Variants in NCAM1 observed in about 807,000 individuals in gnomAD.
The protein encoded by NCAM1 is neural cell adhesion molecule 1, also known as antigen recognized by monoclonal antibody 5.1H11.
A neutral mutation model predicts 109.8 loss-of-function variants in NCAM1; 14 were observed. That is an observed-to-expected ratio of 0.13 (90% CI 0.08 to 0.20). The LOEUF (loss-of-function observed/expected upper bound fraction) is 0.20. Ranked by LOEUF, NCAM1 falls within the 10% of genes least tolerant of loss-of-function variation. NCAM1 has a pLI of 1.00. For synonymous variants in NCAM1, 418 were observed against 442.9 expected (o/e 0.94, Z 0.70); for missense variants, 774 against 1,109.9 (o/e 0.70, Z 4.30).
At chr11:113,091,119 C>T (rs1198028686) in intron 1 of NCAM1, among the ~76,000 whole-genome samples, 1 of 152,176 alleles carries the variant, frequency 6.6e-6, no homozygotes, top group Non-Finnish European at 1.5e-5. Context: ...CAATCCATAT[C>T]ATGGCATCTC....
At chr11:113,028,569 A>T (rs1892982) in intron 1 of NCAM1, among the ~76,000 whole-genome samples, 3 of 152,156 alleles carry the variant, frequency 2.0e-5, no homozygotes, top group Non-Finnish European at 2.9e-5. Context: ...ATAATACCTT[A>T]GTTTCTTTGT....
At chr11:113,031,617 A>C (rs1395387994) in intron 1 of NCAM1, among the ~76,000 whole-genome samples, 1 of 151,922 alleles carries the variant, frequency 6.6e-6, no homozygotes, top group African/African-American at 2.4e-5. Flanking sequence ...GCTTGAACCC[A>C]GGAGGTGGAG....
chr11:112,965,995 G>T (rs1469419938), intron 1 of NCAM1, among the ~76,000 whole-genome samples: 1 of 152,152 alleles, frequency 6.6e-6, no homozygotes, highest in Non-Finnish European at 1.5e-5. Flanking sequence ...TCTTATAAAG[G>T]CTCTCCTGCA....
intron 1 of NCAM1, among the ~76,000 whole-genome samples, chr11:112,998,365 G>A (rs1180422441): frequency 6.6e-6 from 1 of 152,104 alleles, no homozygotes; most frequent in Non-Finnish European, 1.5e-5. Context: ...CTTTAAGGAT[G>A]GATGGCAGAG....
chr11:113,057,003 C>T (rs1437742550), intron 1 of NCAM1, among the ~76,000 whole-genome samples: 2 of 152,032 alleles, frequency 1.3e-5, no homozygotes, highest in African/African-American at 4.8e-5. Flanking sequence ...TGTTAGGTGC[C>T]AGAGAAACAA....
intron 1 of NCAM1, among the ~76,000 whole-genome samples, chr11:113,053,237 T>A (rs994426038): frequency 6.6e-6 from 1 of 152,196 alleles, no homozygotes; most frequent in Non-Finnish European, 1.5e-5. Context: ...GGACATGATC[T>A]CATTCCTTTT....
At chr11:113,260,009 C>T (rs537542629) in intron 16 of NCAM1, 137 bp from the exon 17 acceptor site, 3 of 750,454 alleles carry the variant, frequency 4.0e-6, no homozygotes, top group African/African-American at 3.6e-5. Context: ...CCACCCCCAT[C>T]ATTGCTTCTT....
At chr11:113,090,171 A>G (rs1263805497) in intron 1 of NCAM1, among the ~76,000 whole-genome samples, 2 of 152,230 alleles carry the variant, frequency 1.3e-5, no homozygotes, top group Non-Finnish European at 2.9e-5. Flanking sequence ...CCTAATTAGT[A>G]TTACATTGTG....
chr11:113,268,723 T>G (rs931151192), intron 17 of NCAM1, among the ~76,000 whole-genome samples: 24 of 152,132 alleles, frequency 1.6e-4, no homozygotes, highest in African/African-American at 5.3e-4. Flanking sequence ...AAAAAATGTG[T>G]GGCCCAGCTC....
chr11:113,092,716 T>G (rs1420270089), intron 1 of NCAM1, among the ~76,000 whole-genome samples: 1 of 152,196 alleles, frequency 6.6e-6, no homozygotes. Context: ...ATCAAGATTG[T>G]ATGGACTAGG....
intron 1 of NCAM1, among the ~76,000 whole-genome samples, chr11:112,972,353 G>A (rs1390534359): frequency 2.6e-5 from 4 of 152,008 alleles, no homozygotes; most frequent in African/African-American, 4.8e-5. Context: ...TTTTTATCAC[G>A]CCCACAAGTA....
chr11:113,255,805 C>G, intron 15 of NCAM1, 72 bp from the exon 16 acceptor site: 1 of 1,560,194 alleles, frequency 6.4e-7, no homozygotes, highest in East Asian at 2.3e-5. Context: ...CCCTGTCACT[C>G]CATCCCATTC....
intron 1 of NCAM1, among the ~76,000 whole-genome samples, chr11:113,153,502 C>T (rs1942309025): frequency 6.6e-6 from 1 of 151,054 alleles, no homozygotes; most frequent in Non-Finnish European, 1.5e-5. Flanking sequence ...ATGTGGCAAA[C>T]GTGATGGATA....
intron 1 of NCAM1, among the ~76,000 whole-genome samples, chr11:113,081,296 C>G (rs1242999132): frequency 6.6e-6 from 1 of 152,214 alleles, no homozygotes. Context: ...TCTAAGACAG[C>G]CTTCCATCCT....
At chr11:113,236,975 T>C (rs900401326) in intron 14 of NCAM1, among the ~76,000 whole-genome samples, 5 of 152,176 alleles carry the variant, frequency 3.3e-5, no homozygotes, top group Non-Finnish European at 7.3e-5. Context: ...TCCGGTCAGC[T>C]CTGTTCTTTA....
At chr11:112,995,220 A>T (rs1025537182) in intron 1 of NCAM1, among the ~76,000 whole-genome samples, 3 of 152,210 alleles carry the variant, frequency 2.0e-5, no homozygotes, top group Non-Finnish European at 4.4e-5. Flanking sequence ...AAGCATTAAA[A>T]GGACATATGA....
At chr11:113,247,682 A>G (rs1555120562) in intron 15 of NCAM1, among the ~76,000 whole-genome samples, 1 of 152,184 alleles carries the variant, frequency 6.6e-6, no homozygotes, top group African/African-American at 2.4e-5. Flanking sequence ...TGTACATTGC[A>G]TGAAATAAAG....
chr11:112,962,020 C>A lies in NCAM1; in HGVS notation c.52+356C>A, dbSNP rs1424575410. ...CCTTCCCCAAAGGCGGGCGGCGGGGCGGGGGAGGTCGCGGCTCGGGTGGTG... is the reference window on the plus strand; with the variant it reads ...CCTTCCCCAAAGGCGGGCGGCGGGGAGGGGGAGGTCGCGGCTCGGGTGGTG... On this transcript the variant is annotated intron_variant, in intron 1 of 19. Coordinates refer to ENST00000316851, the MANE Select transcript of NCAM1 (RefSeq NM_181351.5). The surrounding 1 kb of genome is among the most constrained non-coding windows in gnomAD (Gnocchi z 5.6). Among the ~76,000 whole-genome samples the A allele has an allele frequency of 2.0e-5, 3 of 152,026 alleles. No individual in the cohort carries two copies. The highest frequency in any genetic ancestry group is 7.2e-5 in the African/African-American group (3 of 41,426).
chr11:113,042,869 C>T (rs888011365), intron 1 of NCAM1, among the ~76,000 whole-genome samples: 3 of 152,164 alleles, frequency 2.0e-5, no homozygotes, highest in African/African-American at 7.2e-5. Context: ...TCATCCCATC[C>T]CTCTCCTGCT....
Sources: allele counts gnomAD v4.1 joint callset (sites outside exome capture counted in the v4.1 genomes callset), GRCh38; gene constraint gnomAD v4.1.1; non-coding constraint Gnocchi (gnomAD v3.1); transcripts MANE v1.5; gene names NCBI Gene and HGNC (gene_info 2026-07-23, HGNC 2026-07-21).